Variants in WDR31 observed in about 807,000 individuals in gnomAD.
WDR31 encodes WD repeat-containing protein 31.
WDR31 carries 30 observed loss-of-function variants against 47.3 expected under a neutral mutation model. That is an observed-to-expected ratio of 0.63 (90% CI 0.47 to 0.86). The LOEUF (loss-of-function observed/expected upper bound fraction) is 0.86, where lower values mean the gene tolerates loss of function less well. Among genes scored for constraint, WDR31 ranks in the 40% least tolerant of loss-of-function variants. WDR31 has a pLI of 0.00. For synonymous variants in WDR31, 137 were observed against 159.4 expected (o/e 0.86, Z 1.06); for missense variants, 406 against 442.9 (o/e 0.92, Z 0.75).
chr9:113,329,838 G>A (rs371425767), intron 4 of WDR31, among the ~76,000 whole-genome samples: 6 of 147,560 alleles, frequency 4.1e-5, no homozygotes, highest in Middle Eastern at 4.0e-3. Flanking sequence ...AAAATTAGCC[G>A]AGTGTGGTGG....
chr9:113,324,754 C>A (rs1833416443), intron 5 of WDR31, among the ~76,000 whole-genome samples: 1 of 151,356 alleles, frequency 6.6e-6, no homozygotes, highest in South Asian at 2.1e-4. Flanking sequence ...TTTTGTTTAT[C>A]CATGAATCTG....
chr9:113,326,982 C>T (rs1023094065), intron 5 of WDR31, among the ~76,000 whole-genome samples: 7 of 151,626 alleles, frequency 4.6e-5, no homozygotes, highest in African/African-American at 7.3e-5. Context: ...ACTATAGGTG[C>T]GCACAACTAC....
rs759319402 is a variant in WDR31, at chr9:113,322,914, T to C, written c.470-3A>G. 20 of 1,613,914 alleles carry C rather than the reference T, an allele frequency of 1.2e-5. No homozygotes were observed. In the African/African-American group the frequency reaches 1.7e-4, roughly 14 times the overall value. Reference sequence around the variant, plus strand: ...GCCAGTGCACAGCTGTGATGAGTCTTTGGAAACAATGGTGAGAAGACAGCC... The same window carrying C: ...GCCAGTGCACAGCTGTGATGAGTCTCTGGAAACAATGGTGAGAAGACAGCC... On this transcript the variant is annotated splice_polypyrimidine_tract_variant and splice_region_variant and intron_variant, in intron 6 of 10. Coordinates refer to ENST00000374193, the MANE Select transcript of WDR31 (RefSeq NM_001012361.4).
chr9:113,323,843 T>C (rs1833388346), intron 5 of WDR31, among the ~76,000 whole-genome samples: 1 of 152,250 alleles, frequency 6.6e-6, no homozygotes, highest in Non-Finnish European at 1.5e-5. Flanking sequence ...TGTACTGTTA[T>C]GACAGGTGAT....
At chr9:113,318,723 C>T (rs1281380930) in intron 9 of WDR31, 86 bp from the exon 10 acceptor site, 4 of 1,420,212 alleles carry the variant, frequency 2.8e-6, no homozygotes, top group East Asian at 2.3e-5. Flanking sequence ...CCATGATGCA[C>T]CTATTCCCTC....
rs758955327 is a variant in WDR31 at position 113,316,356 on chromosome 9, T to C, written c.*393A>G. Reference sequence around the variant, plus strand: ...CTCTCTCTCCCCACTGCCTTTTTTCTTTTGTAAAGACTTGCAAAGGGTCAG... The same window carrying C: ...CTCTCTCTCCCCACTGCCTTTTTTCCTTTGTAAAGACTTGCAAAGGGTCAG... On this transcript the variant is annotated 3_prime_UTR_variant, in exon 11 of 11. Transcript: ENST00000374193. 9.1e-5 allele frequency: 15 copies of C among 164,372 alleles called. No individual in the cohort carries two copies. The highest frequency in any genetic ancestry group is 1.7e-4 in the Non-Finnish European group (13 of 75,722). 10.2% of individuals were successfully genotyped at this position (164,372 alleles called of 1,614,324 possible).
At chr9:113,326,175 T>G (rs1833461797) in intron 5 of WDR31, among the ~76,000 whole-genome samples, 1 of 152,226 alleles carries the variant, frequency 6.6e-6, no homozygotes, top group Non-Finnish European at 1.5e-5. Context: ...CCTCCCAAAA[T>G]GCTGGGATTA....
In WDR31 at chr9:113,313,983, T is replaced by A. The variant is rs939617908; in HGVS notation, c.*2766A>T. Reference sequence around the variant, plus strand: ...GACCATCCTGGCTAACACGGTGAAATCCCGTCTCTACTAAAAACACAAAAA... The same window carrying A: ...GACCATCCTGGCTAACACGGTGAAAACCCGTCTCTACTAAAAACACAAAAA... On this transcript the variant is annotated 3_prime_UTR_variant, in exon 11 of 11. Transcript: ENST00000374193. 3 of 151,290 alleles carry A rather than the reference T, an allele frequency of 2.0e-5. No homozygotes were observed. The highest frequency in any genetic ancestry group is 4.4e-5 in the Non-Finnish European group (3 of 67,926). 9.4% of individuals were successfully genotyped at this position (151,290 alleles called of 1,614,324 possible).
intron 2 of WDR31, among the ~76,000 whole-genome samples, chr9:113,333,286 A>G (rs1833639398): frequency 6.6e-6 from 1 of 151,646 alleles, no homozygotes; most frequent in Admixed American, 6.6e-5. Context: ...AATCAAAAAT[A>G]AAAAATAATT....
intron 2 of WDR31, among the ~76,000 whole-genome samples, chr9:113,335,480 T>C (rs1297220335): frequency 6.6e-6 from 1 of 152,212 alleles, no homozygotes; most frequent in African/African-American, 2.4e-5. Context: ...AAGTTTCTTA[T>C]GGGCATGACC....
rs1833215190 is a variant in WDR31 at position 113,316,817 on chromosome 9, T to C, written c.1036A>G (p.Arg346Gly). Residue 346 changes from arginine to glycine, a missense_variant, in exon 11 of 11, where the codon AGA becomes GGA. Arg to Gly is a moderately radical substitution (Grantham distance 125). Coordinates refer to ENST00000374193, the MANE Select transcript of WDR31 (RefSeq NM_001012361.4). ...TCCATTCTGAGTAAGTGAATTCCTC[T>C]GTTAAAACTTGCACACAATAAGGAG... is the stretch of plus-strand genomic sequence containing the variant. Reference protein sequence around the residue: ...AISLLCASFNRGIHLLRMDHS... With the variant: ...AISLLCASFNGGIHLLRMDHS... 1 of 1,614,154 alleles carries C rather than the reference T, an allele frequency of 6.2e-7. No individual in the cohort carries two copies. The highest frequency in any genetic ancestry group is 8.5e-7 in the Non-Finnish European group (1 of 1,180,040).
chr9:113,331,173 GT>G, intron 3 of WDR31, 57 bp from the exon 4 acceptor site: 2 of 1,238,982 alleles, frequency 1.6e-6, no homozygotes, highest in South Asian at 1.7e-5. Context: ...TGGGGGTGGG[GT>G]GGGGTGGGGT....
intron 9 of WDR31, among the ~76,000 whole-genome samples, chr9:113,320,126 C>A (rs1167507871): frequency 6.6e-6 from 1 of 152,116 alleles, no homozygotes; most frequent in African/African-American, 2.4e-5. Flanking sequence ...TGCTCTGTTG[C>A]CCAAGCTAGT....
chr9:113,332,459 G>A (rs911881159), intron 2 of WDR31, among the ~76,000 whole-genome samples: 5 of 152,126 alleles, frequency 3.3e-5, no homozygotes, highest in Non-Finnish European at 5.9e-5. Context: ...AATATTACTC[G>A]GCCATTAAAA....
At chr9:113,321,418 C>A in intron 8 of WDR31, 93 bp downstream of exon 8, 1 of 1,284,342 alleles carries the variant, frequency 7.8e-7, no homozygotes. Context: ...AAGGGCAGAG[C>A]AATGTGGAGA....
rs1833132283 is a variant in WDR31, at chr9:113,314,009, A to AC, written c.*2739_*2740insG. 1 of 151,714 alleles carries AC rather than the reference A, an allele frequency of 6.6e-6. No homozygotes were observed. Among genetic ancestry groups the AC allele is most frequent in the African/African-American group, 2.4e-5 (1 of 41,310 alleles). 9.4% of individuals were successfully genotyped at this position (151,714 alleles called of 1,614,324 possible). A position where few individuals can be genotyped will look rare whatever the true frequency, so the allele number is the denominator to read the frequency against. ...CCCGTCTCTACTAAAAACACAAAAA[A>AC]ATTAGCCGGGCGTGATGGCGGGCGC... On this transcript the variant is annotated 3_prime_UTR_variant, in exon 11 of 11. Coordinates refer to ENST00000374193, the MANE Select transcript of WDR31 (RefSeq NM_001012361.4).
Position 113,331,774 on chromosome 9 carries a change from A to G in WDR31, c.116+133T>C, listed in dbSNP as rs1833602610. On this transcript the variant is annotated intron_variant, in intron 3 of 10. Transcript: ENST00000374193. ...GACTGTTTCTTATCCAAAAGAAAACACACTAAACTATTCAGGGAAGGCCAA... is the reference window on the plus strand; with the variant it reads ...GACTGTTTCTTATCCAAAAGAAAACGCACTAAACTATTCAGGGAAGGCCAA... 6 of 759,752 alleles carry G rather than the reference A, an allele frequency of 7.9e-6. No individual in the cohort carries two copies. The South Asian group carries it at 1.1e-4, about 14-fold the overall frequency. The allele number at this position is 759,752 out of a possible 1,614,324, so 47.1% of individuals were successfully genotyped here. A position where few individuals can be genotyped will look rare whatever the true frequency, so the allele number is the denominator to read the frequency against.
At position 113,321,536 on chromosome 9, in the gene WDR31, G is replaced by A. The variant is rs145607129; in HGVS notation, c.613C>T (p.Gln205Ter). The change falls in exon 8 of 11, where the codon CAG becomes TAG. Residue 205 changes from glutamine (Q) to a stop codon, truncating the protein, a stop_gained. Transcript: ENST00000374193. LOFTEE classifies it high-confidence loss of function. ...CTGAGGGTTTTATCTTCAGAGGTCTGTAGTATGTATGGTTCTCTGGGGACC... is the reference window on the plus strand; with the variant it reads ...CTGAGGGTTTTATCTTCAGAGGTCTATAGTATGTATGGTTCTCTGGGGACC... ...CWVPREPYIL[Q>*]TSEDKTLRLW... is the part of the protein sequence containing the mutation. 8.2e-4 allele frequency: 1,321 copies of A among 1,614,194 alleles called. 2 individuals carry two copies. The highest frequency in any genetic ancestry group is 1.0e-3 in the South Asian group (95 of 91,078).
At chr9:113,320,633 A>C in intron 8 of WDR31, 135 bp from the exon 9 acceptor site, 22 of 1,122,542 alleles carry the variant, frequency 2.0e-5, no homozygotes, top group Non-Finnish European at 1.2e-5. Flanking sequence ...TTTACCTAAA[A>C]ACGGCAGCAT....
Sources: gnomAD v4.1 joint callset for allele counts (sites outside exome capture counted in the v4.1 genomes callset) on GRCh38, gnomAD v4.1.1 for gene constraint, MANE v1.5 for transcripts, NCBI Gene and HGNC (gene_info 2026-07-23, HGNC 2026-07-21) for gene names.